Variants in MCHR2 observed in about 807,000 individuals in gnomAD.
MCHR2 encodes melanin-concentrating hormone receptor 2.
A neutral mutation model predicts 24.8 loss-of-function variants in MCHR2; 15 were observed. The ratio of observed to expected loss-of-function variants is 0.60; its 90% CI spans 0.40 to 0.93. The LOEUF (loss-of-function observed/expected upper bound fraction) is 0.93, where lower values mean the gene tolerates loss of function less well. Ranked by LOEUF, MCHR2 falls within the 40% of genes least tolerant of loss-of-function variation. MCHR2 has a pLI of 0.00. For missense variants in MCHR2, 386 were observed against 408.7 expected (o/e 0.94, Z 0.48); for synonymous variants, 151 against 147.6 (o/e 1.02, Z -0.17).
intron 1 of MCHR2, among the ~76,000 whole-genome samples, chr6:99,974,358 C>T (rs1775502006): frequency 6.6e-6 from 1 of 152,208 alleles, no homozygotes; most frequent in African/African-American, 2.4e-5. Context: ...GCATTGGCTC[C>T]TGAGGCTTCT....
At chr6:99,948,013 T>C in intron 2 of MCHR2, 42 bp from the exon 3 acceptor site, 2 of 1,540,504 alleles carry the variant, frequency 1.3e-6, no homozygotes, top group Non-Finnish European at 1.8e-6. Context: ...ATTGAATGTA[T>C]ACAGACTATT....
chr6:99,932,635 G>C (rs1485309980), intron 5 of MCHR2, among the ~76,000 whole-genome samples: 29 of 152,122 alleles, frequency 1.9e-4, no homozygotes, highest in Admixed American at 1.9e-3. Context: ...ATAAAAACAT[G>C]TAAGTACAGT....
intron 3 of MCHR2, among the ~76,000 whole-genome samples, chr6:99,946,048 A>C (rs1187946831): frequency 2.6e-5 from 4 of 151,448 alleles, no homozygotes; most frequent in South Asian, 4.2e-4. Context: ...AAAAGCCAAT[A>C]TTCTCCTGCA....
intron 2 of MCHR2, among the ~76,000 whole-genome samples, chr6:99,953,400 A>T (rs556930152): frequency 6.6e-6 from 1 of 152,170 alleles, no homozygotes; most frequent in African/African-American, 2.4e-5. Flanking sequence ...ACTGGAGGCC[A>T]TGAGGGAGAG....
intron 5 of MCHR2, among the ~76,000 whole-genome samples, chr6:99,923,790 G>C (rs1227993874): frequency 6.6e-6 from 1 of 152,030 alleles, no homozygotes; most frequent in Non-Finnish European, 1.5e-5. Flanking sequence ...TGATGAATGA[G>C]ATTTCTAATA....
intron 5 of MCHR2, among the ~76,000 whole-genome samples, chr6:99,927,191 CTATAT>C (rs1774383722): frequency 1.3e-5 from 2 of 152,192 alleles, no homozygotes; most frequent in South Asian, 4.2e-4. Context: ...TTCCATTGAT[CTATAT>C]CTCTGTTTTG....
chr6:99,962,795 T>C (rs1775218876), intron 1 of MCHR2, among the ~76,000 whole-genome samples: 1 of 151,424 alleles, frequency 6.6e-6, no homozygotes. Flanking sequence ...AACAACAGAG[T>C]CTAAATACAT....
At chr6:99,973,844 T>G (rs1015889713) in intron 1 of MCHR2, among the ~76,000 whole-genome samples, 4 of 152,198 alleles carry the variant, frequency 2.6e-5, no homozygotes, top group Non-Finnish European at 5.9e-5. Context: ...GGATATGAAA[T>G]TCTGGGTTGA....
Position 99,983,555 on chromosome 6 carries a change from C to G in MCHR2, c.-28+10381G>C, listed in dbSNP as rs1266876054. Among the ~76,000 whole-genome samples, 7 of 152,184 alleles carry G rather than the reference C, an allele frequency of 4.6e-5. No homozygotes were observed. The East Asian group carries it at 9.6e-4, about 21-fold the overall frequency. On this transcript the variant is annotated intron_variant, in intron 1 of 5. Coordinates refer to ENST00000281806, the MANE Select transcript of MCHR2 (RefSeq NM_001040179.2). ...CGTCACACTCAAGCTTTTGACTCAC[C>G]ACTCTAAGAAAACCATTGTTTTCAA...
chr6:99,950,103 C>G (rs1445490141), intron 2 of MCHR2, among the ~76,000 whole-genome samples: 1 of 151,958 alleles, frequency 6.6e-6, no homozygotes, highest in South Asian at 2.1e-4. Flanking sequence ...ATTGTGGGAA[C>G]AGTGCAGGCC....
At chr6:99,929,049 G>A (rs1192289153) in intron 5 of MCHR2, among the ~76,000 whole-genome samples, 33 of 152,008 alleles carry the variant, frequency 2.2e-4, no homozygotes, top group African/African-American at 5.3e-4. Context: ...CTTTGTTCTC[G>A]TTGGTTTCAA....
intron 1 of MCHR2, among the ~76,000 whole-genome samples, chr6:99,969,586 A>G (rs547126977): frequency 3.6e-4 from 55 of 151,102 alleles, no homozygotes; most frequent in African/African-American, 1.2e-3. Context: ...ATATTATTAT[A>G]CTTTAAGTTT....
chr6:99,958,621 G>C (rs1326239638), intron 1 of MCHR2, among the ~76,000 whole-genome samples: 1 of 152,116 alleles, frequency 6.6e-6, no homozygotes, highest in Admixed American at 6.6e-5. Context: ...TGGCACCACT[G>C]ATTCAACAGC....
intron 1 of MCHR2, among the ~76,000 whole-genome samples, chr6:99,964,558 A>G (rs1264649660): frequency 6.6e-6 from 1 of 152,100 alleles, no homozygotes; most frequent in Admixed American, 6.6e-5. Context: ...GAAATGCCAC[A>G]TGCTAATAAA....
chr6:99,920,548 C>A lies in MCHR2; in HGVS notation c.*392G>T, dbSNP rs531446392. 2.2e-5 allele frequency: 4 copies of A among 183,230 alleles called. No homozygotes were observed. Among genetic ancestry groups the A allele is most frequent in the East Asian group, 1.3e-4 (1 of 7,460 alleles). The allele number at this position is 183,230 out of a possible 1,614,324, so 11.4% of individuals were successfully genotyped here. A position where few individuals can be genotyped will look rare whatever the true frequency, so the allele number is the denominator to read the frequency against. ...TTTTAGACTTCACTCTAAGGTGATA[C>A]CCTCCTAGGAACCTTGAGGAAACTG... is the stretch of plus-strand genomic sequence containing the variant. On this transcript the variant is annotated 3_prime_UTR_variant, in exon 6 of 6. Transcript: ENST00000281806.
At chr6:99,993,859 C>CGGGCGCGCAGCCCACGGGCCCTG in intron 1 of MCHR2, 77 bp downstream of exon 1, 1 of 152,048 alleles carries the variant, frequency 6.6e-6, no homozygotes, top group South Asian at 2.1e-4. Flanking sequence ...CAGACCTTCC[C>CGGGCGCGCAGCCCACGGGCCCTG]GGGCGCGCAG....
At chr6:99,973,231 A>C (rs1775469645) in intron 1 of MCHR2, among the ~76,000 whole-genome samples, 1 of 151,724 alleles carries the variant, frequency 6.6e-6, no homozygotes, top group Non-Finnish European at 1.5e-5. Context: ...GACTTGCTTT[A>C]TGAATCTGGG....
chr6:99,921,824 G>T (rs1774239744), intron 5 of MCHR2, among the ~76,000 whole-genome samples: 1 of 152,058 alleles, frequency 6.6e-6, no homozygotes. Flanking sequence ...CTATGTCCAT[G>T]AGTAAAATTG....
At chr6:99,936,415 T>C (rs1017540868) in intron 4 of MCHR2, among the ~76,000 whole-genome samples, 2 of 151,974 alleles carry the variant, frequency 1.3e-5, no homozygotes, top group Admixed American at 1.3e-4. Context: ...TTCTTCTGCA[T>C]GTAGTTTTCC....
Sources: gnomAD v4.1 joint callset for allele counts (sites outside exome capture counted in the v4.1 genomes callset) on GRCh38, gnomAD v4.1.1 for gene constraint, MANE v1.5 for transcripts, NCBI Gene and HGNC (gene_info 2026-07-23, HGNC 2026-07-21) for gene names.